Variants in DNM3 observed in about 807,000 individuals in gnomAD.
DNM3 encodes the protein dynamin 3.
DNM3 carries 47 observed loss-of-function variants against 101.6 expected under a neutral mutation model. The observed-to-expected ratio is 0.46, with a 90% CI of 0.37 to 0.59. The LOEUF (loss-of-function observed/expected upper bound fraction) is 0.59. Among genes scored for constraint, DNM3 ranks in the 20% least tolerant of loss-of-function variants. The pLI is 0.00. For synonymous variants in DNM3, 385 were observed against 387.9 expected (o/e 0.99, Z 0.09); for missense variants, 849 against 1,085.7 (o/e 0.78, Z 3.06).
chr1:171,889,411 T>TAA (rs887326698), intron 1 of DNM3, among the ~76,000 whole-genome samples: 1 of 152,144 alleles, frequency 6.6e-6, no homozygotes, highest in African/African-American at 2.4e-5. Flanking sequence ...TGAATAATAT[T>TAA]AAAAAAATCA....
At chr1:172,077,021 A>G (rs998163507) in intron 11 of DNM3, among the ~76,000 whole-genome samples, 6 of 152,136 alleles carry the variant, frequency 3.9e-5, no homozygotes, top group Non-Finnish European at 8.8e-5. Context: ...CAGGGATTCA[A>G]CTTCTTCCTG....
intron 7 of DNM3, among the ~76,000 whole-genome samples, chr1:172,039,321 C>T (rs1288436413): frequency 6.6e-6 from 1 of 152,134 alleles, no homozygotes; most frequent in African/African-American, 2.4e-5. Flanking sequence ...GCAATCAAAG[C>T]ATCCTTCAAT....
intron 18 of DNM3, among the ~76,000 whole-genome samples, chr1:172,380,481 A>T (rs1163211234): frequency 6.6e-6 from 1 of 152,112 alleles, no homozygotes; most frequent in Non-Finnish European, 1.5e-5. Context: ...TATTCAAACA[A>T]GGTTAGCTGG....
At chr1:172,345,803 A>T (rs1008903441) in intron 17 of DNM3, among the ~76,000 whole-genome samples, 4 of 152,180 alleles carry the variant, frequency 2.6e-5, no homozygotes, top group African/African-American at 7.2e-5. Flanking sequence ...ACCTTGTAAC[A>T]TAACTGCTAT....
At chr1:172,025,171 A>G (rs1227410304) in intron 4 of DNM3, among the ~76,000 whole-genome samples, 1 of 152,198 alleles carries the variant, frequency 6.6e-6, no homozygotes, top group African/African-American at 2.4e-5. Context: ...CTCACAGTGT[A>G]AACAAAGCCA....
At chr1:172,338,097 A>G (rs940700210) in intron 17 of DNM3, among the ~76,000 whole-genome samples, 2 of 151,384 alleles carry the variant, frequency 1.3e-5, no homozygotes, top group African/African-American at 2.4e-5. Context: ...TTGTATTTTT[A>G]GTAGAGACGG....
At chr1:171,846,729 T>G (rs2032164612) in intron 1 of DNM3, among the ~76,000 whole-genome samples, 1 of 152,248 alleles carries the variant, frequency 6.6e-6, no homozygotes, top group East Asian at 1.9e-4. Context: ...GCCAAAGTTT[T>G]GCAATTTATC....
intron 14 of DNM3, among the ~76,000 whole-genome samples, chr1:172,231,095 C>T (rs2061319210): frequency 1.3e-5 from 2 of 151,738 alleles, no homozygotes; most frequent in South Asian, 2.1e-4. Flanking sequence ...ATGTCTCCAA[C>T]TCTGAACTCC....
chr1:171,938,814 C>G (rs2041623529), intron 2 of DNM3, among the ~76,000 whole-genome samples: 1 of 152,042 alleles, frequency 6.6e-6, no homozygotes, highest in Admixed American at 6.6e-5. Flanking sequence ...ATCTTATAAG[C>G]CTTGTTTTTG....
chr1:172,365,219 TTCTTA>T (rs1292439148), intron 17 of DNM3, among the ~76,000 whole-genome samples: 1 of 151,906 alleles, frequency 6.6e-6, no homozygotes, highest in Non-Finnish European at 1.5e-5. Context: ...TTTCTAAGGG[TTCTTA>T]TCTTTTAGGA....
At chr1:172,119,840 T>C (rs868854566) in intron 13 of DNM3, among the ~76,000 whole-genome samples, 1 of 152,192 alleles carries the variant, frequency 6.6e-6, no homozygotes, top group Non-Finnish European at 1.5e-5. Flanking sequence ...TCGGGAGTCA[T>C]CTTCGACACC....
chr1:171,943,135 AAAAAAG>A (rs1370112186), intron 2 of DNM3, among the ~76,000 whole-genome samples: 3 of 152,082 alleles, frequency 2.0e-5, no homozygotes, highest in Admixed American at 1.3e-4. Context: ...ATAAAAAATA[AAAAAAG>A]AAAAAGAAAA....
chr1:172,131,462 A>G (rs866305451), intron 14 of DNM3, among the ~76,000 whole-genome samples, 174 bp downstream of exon 14: 25 of 152,294 alleles, frequency 1.6e-4, no homozygotes, highest in African/African-American at 5.5e-4. Flanking sequence ...TAAAGTTTAC[A>G]ATATTCGCCC....
At chr1:172,392,160 G>A (rs757190082) in intron 20 of DNM3, among the ~76,000 whole-genome samples, 3 of 152,190 alleles carry the variant, frequency 2.0e-5, no homozygotes, top group Non-Finnish European at 4.4e-5. Context: ...TCTGGTTTAT[G>A]TGCATGGAGC....
intron 14 of DNM3, among the ~76,000 whole-genome samples, chr1:172,219,666 C>T (rs1309457275): frequency 5.9e-5 from 9 of 152,032 alleles, no homozygotes; most frequent in African/African-American, 1.7e-4. Context: ...ATCTGAGAGG[C>T]GTCAGAGGGA....
chr1:172,011,138 G>A (rs899634775), intron 4 of DNM3, among the ~76,000 whole-genome samples: 11 of 151,832 alleles, frequency 7.2e-5, no homozygotes, highest in Non-Finnish European at 1.5e-5. Context: ...CCATGGTAGA[G>A]TTTACTGATA....
Position 172,158,493 on chromosome 1 carries a change from G to A in DNM3, c.1659+27205G>A, listed in dbSNP as rs373009599. On this transcript the variant is annotated intron_variant, in intron 14 of 20. Coordinates refer to ENST00000627582, the MANE Select transcript of DNM3 (RefSeq NM_015569.5). ...ACAGACCTAGAGAACATCCAGGATC[G>A]CCTGTCCAGAACAGACAGTGTGCAG... Among the ~76,000 whole-genome samples, 42 of 152,094 alleles carry A rather than the reference G, an allele frequency of 2.8e-4. 1 individual carries two copies. The highest frequency in any genetic ancestry group is 3.4e-3 in the Middle Eastern group (1 of 294).
chr1:172,214,510 C>T (rs1025450808), intron 14 of DNM3, among the ~76,000 whole-genome samples: 4 of 113,636 alleles, frequency 3.5e-5, no homozygotes, highest in African/African-American at 1.0e-4. Flanking sequence ...CATACACACA[C>T]CTCATCCCCC....
chr1:171,990,021 T>G (rs1392181213), intron 4 of DNM3, among the ~76,000 whole-genome samples: 1 of 152,174 alleles, frequency 6.6e-6, no homozygotes, highest in Non-Finnish European at 1.5e-5. Context: ...CAACTTTATC[T>G]TCTGCTCTTC....
Sources: allele counts gnomAD v4.1 joint callset (sites outside exome capture counted in the v4.1 genomes callset), GRCh38; gene constraint gnomAD v4.1.1; transcripts MANE v1.5; gene names NCBI Gene and HGNC (gene_info 2026-07-23, HGNC 2026-07-21).